AGFG1: variants seen among roughly 807,000 people sequenced by gnomAD.
The protein encoded by AGFG1 is arf-GAP domain and FG repeat-containing protein 1.
A neutral mutation model predicts 60.6 loss-of-function variants in AGFG1; 10 were observed. The ratio of observed to expected loss-of-function variants is 0.16; its 90% CI spans 0.10 to 0.28. The LOEUF (loss-of-function observed/expected upper bound fraction) is 0.28. Ranked by LOEUF, AGFG1 falls within the 10% of genes least tolerant of loss-of-function variation. The pLI is 1.00. For missense variants in AGFG1, 537 were observed against 676.5 expected (o/e 0.79, Z 2.29); for synonymous variants, 247 against 242.9 (o/e 1.02, Z -0.16).
chr2:227,539,792 G>A (rs1228642064), intron 10 of AGFG1, among the ~76,000 whole-genome samples: 1 of 147,610 alleles, frequency 6.8e-6, no homozygotes, highest in Non-Finnish European at 1.5e-5. Context: ...TTGCATAATA[G>A]TTCTATGTGA....
chr2:227,474,444 C>G (rs1690223109), intron 1 of AGFG1, among the ~76,000 whole-genome samples: 1 of 152,104 alleles, frequency 6.6e-6, no homozygotes, highest in Admixed American at 6.6e-5. Flanking sequence ...TCCTAGATAC[C>G]ACATTTCAGA....
intron 11 of AGFG1, 101 bp downstream of exon 11, chr2:227,552,218 TAGTATTATCTACTG>T (rs752905980): frequency 7.5e-7 from 1 of 1,335,082 alleles, no homozygotes; most frequent in Non-Finnish European, 1.0e-6. Flanking sequence ...AAGAATACTA[TAGTATTATCTACTG>T]AGTGTTTACA....
At chr2:227,486,093 C>T (rs1466576097) in intron 1 of AGFG1, among the ~76,000 whole-genome samples, 1 of 152,078 alleles carries the variant, frequency 6.6e-6, no homozygotes, top group Admixed American at 6.5e-5. Flanking sequence ...TTTTATTTCC[C>T]ATCCAGGGTC....
Position 227,524,852 on chromosome 2 carries a change from C to G in AGFG1, c.631C>G (p.Pro211Ala). ...SDLGSDIFAA[P>A]APQSTATANF... ...TCTCGGCTCAGACATCTTTGCTGCT[C>G]CAGCTCCTCAGTCAACAGCTACAGC... The change falls in exon 5 of 13, where the codon CCA (proline) becomes GCA (alanine). Residue 211 changes from proline to alanine, a missense_variant. Coordinates refer to ENST00000310078, the MANE Select transcript of AGFG1 (RefSeq NM_004504.5). 2 of 1,614,156 alleles carry G rather than the reference C, an allele frequency of 1.2e-6. No individual in the cohort carries two copies. Among genetic ancestry groups the G allele is most frequent in the Non-Finnish European group, 1.7e-6 (2 of 1,180,010 alleles).
chr2:227,488,419 G>A (rs1242806189), intron 1 of AGFG1, among the ~76,000 whole-genome samples: 1 of 152,184 alleles, frequency 6.6e-6, no homozygotes, highest in African/African-American at 2.4e-5. Context: ...ATAGTTGTTT[G>A]CTCCAAAATT....
chr2:227,553,455 T>G (rs1692882206), intron 11 of AGFG1, among the ~76,000 whole-genome samples: 2 of 143,970 alleles, frequency 1.4e-5, no homozygotes, highest in South Asian at 4.2e-4. Context: ...ATGATCATGC[T>G]ACTGGACTCT....
At chr2:227,538,186 A>G (rs1422576925) in intron 10 of AGFG1, among the ~76,000 whole-genome samples, 2 of 152,178 alleles carry the variant, frequency 1.3e-5, no homozygotes, top group East Asian at 3.8e-4. Context: ...ATGTCTCATG[A>G]TACAATGGGT....
rs112123447 is a variant in AGFG1, at chr2:227,499,019, A to ATAATGTAAC, written c.261+7380_261+7388dup. The stretch of plus-strand genomic sequence containing the variant: ...GTTATTCATGCCTTTAGACAAGTAG[A>ATAATGTAAC]TAATGTAACAAACTTCCATCAACAC... On this transcript the variant is annotated intron_variant, in intron 2 of 12. Transcript: ENST00000310078. Among the ~76,000 whole-genome samples, 35 of 150,880 alleles carry ATAATGTAAC rather than the reference A, an allele frequency of 2.3e-4. 1 individual carries two copies. The highest frequency in any genetic ancestry group is 7.9e-4 in the African/African-American group (33 of 41,520).
chr2:227,547,870 A>T (rs984143031), intron 10 of AGFG1, among the ~76,000 whole-genome samples: 1 of 152,200 alleles, frequency 6.6e-6, no homozygotes. Flanking sequence ...GAAAACATAG[A>T]TCTGCACAAA....
At chr2:227,549,508 A>T (rs1692756592) in intron 10 of AGFG1, among the ~76,000 whole-genome samples, 1 of 152,156 alleles carries the variant, frequency 6.6e-6, no homozygotes, top group African/African-American at 2.4e-5. Flanking sequence ...TTTAACCTGT[A>T]AATACCGCTT....
intron 2 of AGFG1, among the ~76,000 whole-genome samples, chr2:227,500,063 C>A (rs1230423291): frequency 6.6e-6 from 1 of 152,180 alleles, no homozygotes; most frequent in Non-Finnish European, 1.5e-5. Context: ...ATTTTGGCAA[C>A]AGAGTATGCC....
At chr2:227,477,597 C>T (rs867091293) in intron 1 of AGFG1, among the ~76,000 whole-genome samples, 1 of 151,964 alleles carries the variant, frequency 6.6e-6, no homozygotes, top group Non-Finnish European at 1.5e-5. Flanking sequence ...AGAAAAAAGA[C>T]TTTTTCTTTT....
At chr2:227,541,685 T>C (rs1018125623) in intron 10 of AGFG1, among the ~76,000 whole-genome samples, 5 of 152,190 alleles carry the variant, frequency 3.3e-5, no homozygotes, top group African/African-American at 1.2e-4. Context: ...GCAGGCTCTT[T>C]TTTGGTTCCA....
intron 10 of AGFG1, among the ~76,000 whole-genome samples, chr2:227,551,039 G>A (rs569410893): frequency 2.6e-5 from 4 of 152,296 alleles, no homozygotes; most frequent in African/African-American, 7.2e-5. Context: ...ATAGTAAAGA[G>A]GGAAATGATG....
intron 9 of AGFG1, 56 bp from the exon 10 acceptor site, chr2:227,536,845 A>T: frequency 6.5e-7 from 1 of 1,548,778 alleles, no homozygotes; most frequent in Non-Finnish European, 8.8e-7. Context: ...AAATAATTTA[A>T]ATCTTAAATA....
At chr2:227,508,936 G>GT (rs916488252) in intron 2 of AGFG1, among the ~76,000 whole-genome samples, 4 of 152,112 alleles carry the variant, frequency 2.6e-5, no homozygotes, top group African/African-American at 9.7e-5. Context: ...CAGTGTGGAA[G>GT]TTGGTTATTC....
chr2:227,494,307 A>G (rs1357310722), intron 2 of AGFG1, among the ~76,000 whole-genome samples: 4 of 152,208 alleles, frequency 2.6e-5, no homozygotes, highest in Non-Finnish European at 5.9e-5. Flanking sequence ...TATCACTTGC[A>G]TAGGGAATAG....
At chr2:227,476,418 T>C (rs1005881066) in intron 1 of AGFG1, among the ~76,000 whole-genome samples, 1 of 152,204 alleles carries the variant, frequency 6.6e-6, no homozygotes, top group African/African-American at 2.4e-5. Context: ...ATAATTGATA[T>C]GTAATATAAA....
intron 1 of AGFG1, among the ~76,000 whole-genome samples, chr2:227,480,234 T>A (rs1289270963): frequency 2.0e-5 from 3 of 152,156 alleles, no homozygotes; most frequent in Non-Finnish European, 4.4e-5. Flanking sequence ...ATTGGGTAAT[T>A]TAAGGCATTG....
Sources: allele counts gnomAD v4.1 joint callset (sites outside exome capture counted in the v4.1 genomes callset), GRCh38; gene constraint gnomAD v4.1.1; transcripts MANE v1.5; gene names NCBI Gene and HGNC (gene_info 2026-07-23, HGNC 2026-07-21).